CSMD1: variants seen among roughly 807,000 people sequenced by gnomAD.
CSMD1 encodes CUB and Sushi multiple domains 1, also known as CUB and sushi domain-containing protein 1.
CSMD1 carries 213 observed loss-of-function variants against 417.5 expected under a neutral mutation model. The observed-to-expected ratio is 0.51, with a 90% CI of 0.46 to 0.57. The LOEUF (loss-of-function observed/expected upper bound fraction) is 0.57. Ranked by LOEUF, CSMD1 falls within the 20% of genes least tolerant of loss-of-function variation. The pLI, the probability that CSMD1 is intolerant of heterozygous loss-of-function variation, is 0.00. For synonymous variants in CSMD1, 2,862 were observed against 1,736.8 expected (o/e 1.65, Z -16.11); for missense variants, 6,923 against 4,529.7 (o/e 1.53, Z -15.17).
intron 7 of CSMD1, among the ~76,000 whole-genome samples, chr8:3,669,627 C>T (rs987123226): frequency 2.6e-5 from 4 of 152,168 alleles, no homozygotes; most frequent in African/African-American, 7.2e-5. Context: ...GCTGGGTATT[C>T]GCCCGCTGGG....
intron 2 of CSMD1, among the ~76,000 whole-genome samples, chr8:4,548,287 TTTAA>T (rs1797719710): frequency 6.6e-6 from 1 of 152,200 alleles, no homozygotes; most frequent in Non-Finnish European, 1.5e-5. Flanking sequence ...AAGTTCACTT[TTTAA>T]TTTAGTCATG....
chr8:4,347,721 T>G (rs1004708237), intron 3 of CSMD1, among the ~76,000 whole-genome samples: 4 of 152,172 alleles, frequency 2.6e-5, no homozygotes, highest in African/African-American at 9.7e-5. Flanking sequence ...CTGTAGCACG[T>G]AACTCAATTC....
chr8:3,654,657 T>G (rs1327067708), intron 7 of CSMD1, among the ~76,000 whole-genome samples: 1 of 152,212 alleles, frequency 6.6e-6, no homozygotes, highest in Non-Finnish European at 1.5e-5. Context: ...GAGCTCCATT[T>G]GTGATATGCT....
intron 5 of CSMD1, among the ~76,000 whole-genome samples, chr8:3,776,225 C>G (rs913514844): frequency 6.6e-6 from 1 of 152,192 alleles, no homozygotes; most frequent in African/African-American, 2.4e-5. Flanking sequence ...CTGTGCTCAT[C>G]CGGATGGAGG....
At chr8:4,810,052 C>A (rs12677327) in intron 1 of CSMD1, among the ~76,000 whole-genome samples, 5 of 152,138 alleles carry the variant, frequency 3.3e-5, no homozygotes, top group Admixed American at 6.5e-5. Context: ...AAATGTTATA[C>A]AAAAATACCA....
intron 3 of CSMD1, among the ~76,000 whole-genome samples, chr8:4,062,030 A>AGGT (rs1798999151): frequency 6.6e-6 from 1 of 152,142 alleles, no homozygotes; most frequent in African/African-American, 2.4e-5. Flanking sequence ...GAGAGCACGC[A>AGGT]GGTGGTGAAA....
At chr8:4,729,148 G>T (rs549138448) in intron 1 of CSMD1, among the ~76,000 whole-genome samples, 1 of 152,232 alleles carries the variant, frequency 6.6e-6, no homozygotes, top group East Asian at 1.9e-4. Flanking sequence ...AGAACACAAG[G>T]ACAGGCTAAT....
Position 3,720,620 on chromosome 8 carries a change from T to TTCTCACACACACACACACACAC in CSMD1, c.932-12130_932-12129insGTGTGTGTGTGTGTGTGTGAGA, listed in dbSNP as rs72331833. Among the ~76,000 whole-genome samples the TTCTCACACACACACACACACAC allele has an allele frequency of 1.2e-3, 169 of 143,416 alleles. 2 individuals carry two copies. Among genetic ancestry groups the TTCTCACACACACACACACACAC allele is most frequent in the African/African-American group, 4.1e-3 (155 of 37,934 alleles). The allele number at this position is 143,416 out of a possible 152,430, so 94.1% of individuals were successfully genotyped here. A position where few individuals can be genotyped will look rare whatever the true frequency, so the allele number is the denominator to read the frequency against. On this transcript the variant is annotated intron_variant, in intron 6 of 69. Transcript: ENST00000635120. ...CATTGGTGGTCAAAGTCTTTATTCT[T>TTCTCACACACACACACACACAC]ACACACACACACACACACACACACA...
intron 37 of CSMD1, among the ~76,000 whole-genome samples, chr8:3,163,087 A>C (rs1308723275): frequency 6.6e-6 from 1 of 152,240 alleles, no homozygotes; most frequent in Non-Finnish European, 1.5e-5. Flanking sequence ...TTATGAGATG[A>C]GCAAGTTCTG....
intron 1 of CSMD1, among the ~76,000 whole-genome samples, chr8:4,665,573 CT>C (rs535938260): frequency 2.6e-5 from 4 of 152,248 alleles, no homozygotes; most frequent in Admixed American, 2.6e-4. Context: ...ATCTCTGTAG[CT>C]TTGCCTTTCC....
At chr8:4,081,472 A>C (rs1477694197) in intron 3 of CSMD1, among the ~76,000 whole-genome samples, 1 of 152,150 alleles carries the variant, frequency 6.6e-6, no homozygotes, top group Non-Finnish European at 1.5e-5. Flanking sequence ...TCATGGGAAC[A>C]CTAAATTAGC....
chr8:4,092,084 G>C (rs997421275), intron 3 of CSMD1, among the ~76,000 whole-genome samples: 1 of 152,202 alleles, frequency 6.6e-6, no homozygotes, highest in African/African-American at 2.4e-5. Context: ...AGAAGCTTAA[G>C]AGGGACGTAA....
intron 1 of CSMD1, among the ~76,000 whole-genome samples, chr8:4,807,142 G>C (rs1460927285): frequency 1.3e-5 from 2 of 152,066 alleles, no homozygotes; most frequent in Non-Finnish European, 2.9e-5. Context: ...AAGACTACTC[G>C]AGTAATTTAG....
intron 7 of CSMD1, among the ~76,000 whole-genome samples, chr8:3,621,822 T>C (rs1210906442): frequency 6.6e-6 from 1 of 151,980 alleles, no homozygotes; most frequent in Non-Finnish European, 1.5e-5. Flanking sequence ...TTGCCCAGGC[T>C]GGTCTCAAAC....
chr8:4,928,557 C>T (rs546116844), intron 1 of CSMD1, among the ~76,000 whole-genome samples: 1 of 152,276 alleles, frequency 6.6e-6, no homozygotes, highest in South Asian at 2.1e-4. Flanking sequence ...AATTCTAATT[C>T]CAGTCTTGCA....
chr8:4,156,594 G>C (rs977015770), intron 3 of CSMD1, among the ~76,000 whole-genome samples: 3 of 151,942 alleles, frequency 2.0e-5, no homozygotes, highest in East Asian at 1.9e-4. Flanking sequence ...CATTCAGTTA[G>C]TGACAATATT....
intron 1 of CSMD1, among the ~76,000 whole-genome samples, chr8:4,703,373 C>A (rs983891003): frequency 1.3e-5 from 2 of 152,174 alleles, no homozygotes; most frequent in African/African-American, 4.8e-5. Context: ...TCTCTACTGA[C>A]AGAAGAAATA....
rs1220471316 is a variant in CSMD1, at chr8:3,180,017, A to T, written c.5725+1093T>A. 2.6e-5 allele frequency among the ~76,000 whole-genome samples: 4 copies of T among 152,312 alleles called. No individual in the cohort carries two copies. In the South Asian group the frequency reaches 8.3e-4, roughly 32 times the overall value. On this transcript the variant is annotated intron_variant, in intron 37 of 69. Transcript: ENST00000635120. ...TATGCATGCATTTACATCGTAGCAA[A>T]CTGTTTATCTCAATTCAAAAGATCA...
At chr8:4,049,391 C>A (rs1283328675) in intron 3 of CSMD1, among the ~76,000 whole-genome samples, 1 of 151,648 alleles carries the variant, frequency 6.6e-6, no homozygotes, top group Non-Finnish European at 1.5e-5. Flanking sequence ...GCAGACATTG[C>A]CAAACGTCAT....
Sources: gnomAD v4.1 joint callset for allele counts (sites outside exome capture counted in the v4.1 genomes callset) on GRCh38, gnomAD v4.1.1 for gene constraint, MANE v1.5 for transcripts, NCBI Gene and HGNC (gene_info 2026-07-23, HGNC 2026-07-21) for gene names.